RRP12: variants seen among roughly 807,000 people sequenced by gnomAD.
RRP12 encodes the protein RRP12-like protein.
A neutral mutation model predicts 157.3 loss-of-function variants in RRP12; 78 were observed. The observed-to-expected ratio is 0.50, with a 90% CI of 0.41 to 0.60. The LOEUF (loss-of-function observed/expected upper bound fraction) is 0.60, where lower values mean the gene tolerates loss of function less well. RRP12 is among the 20% of genes least tolerant of loss of function. The probability of loss-of-function intolerance (pLI) is 0.00; values close to 1 mark genes in which losing one functional copy is unlikely to be tolerated. For synonymous variants in RRP12, 726 were observed against 670.9 expected (o/e 1.08, Z -1.27); for missense variants, 1,521 against 1,679.9 (o/e 0.91, Z 1.65).
chr10:97,393,833 CAT>C, intron 3 of RRP12, 73 bp from the exon 4 acceptor site: 1 of 1,249,886 alleles, frequency 8.0e-7, no homozygotes, highest in Non-Finnish European at 1.2e-6. Flanking sequence ...AGTGGGGGAA[CAT>C]GTGCCCAGCA....
chr10:97,377,583 G>A (rs144238059), intron 15 of RRP12, among the ~76,000 whole-genome samples: 2,379 of 151,506 alleles, frequency 0.016, 32 homozygotes, highest in Non-Finnish European at 0.025. Flanking sequence ...AGTGGCTCAC[G>A]CCTGTAATCC....
rs1845142558 is a variant in RRP12, at chr10:97,401,299, A to G, written c.-68T>C. The G allele has an allele frequency of 4.4e-6, 7 of 1,595,924 alleles. No individual in the cohort carries two copies. The Admixed American group carries it at 1.2e-4, about 27-fold the overall frequency. On this transcript the variant is annotated 5_prime_UTR_variant, in exon 1 of 34. Coordinates refer to ENST00000370992, the MANE Select transcript of RRP12 (RefSeq NM_015179.4). ...TCCAGGGACGTAGAAACACGCTCAG[A>G]ACCCACGTGGATACCCTGTAGCCTT...
chr10:97,388,467 G>T lies in RRP12; in HGVS notation c.889+22C>A, dbSNP rs762606224. The T allele has an allele frequency of 2.2e-5, 35 of 1,613,500 alleles. No homozygotes were observed. The South Asian group carries it at 2.4e-4, about 11-fold the overall frequency. Reference sequence around the variant, plus strand: ...GCCAGCCACTGCCTCCCATCCACCTGCCCTCCATTTGGGTTCCCCACCTCC... The same window carrying T: ...GCCAGCCACTGCCTCCCATCCACCTTCCCTCCATTTGGGTTCCCCACCTCC... On this transcript the variant is annotated intron_variant, in intron 7 of 33. Transcript: ENST00000370992.
chr10:97,366,832 GC>G lies in RRP12; in HGVS notation c.3124del (p.Ala1042ProfsTer7). 1 of 1,614,134 alleles carries G rather than the reference GC, an allele frequency of 6.2e-7. No individual in the cohort carries two copies. On this transcript the variant is annotated frameshift_variant, in exon 27 of 34. Coordinates refer to ENST00000370992, the MANE Select transcript of RRP12 (RefSeq NM_015179.4). LOFTEE classifies it high-confidence loss of function. The part of the protein sequence containing the change: ...LVNIRKAEAR[A>X]KRHRALSQAA... ...CTGGCTCAGGGCTCGGTGCCTCTTGGCCCGGGCCTCAGCTTTCCGGATGTTG... is the reference window on the plus strand; with the variant it reads ...CTGGCTCAGGGCTCGGTGCCTCTTGGCCGGGCCTCAGCTTTCCGGATGTTG...
chr10:97,390,319 C>T (rs541064213), intron 6 of RRP12, 104 bp downstream of exon 6: 1 of 854,740 alleles, frequency 1.2e-6, no homozygotes, highest in Non-Finnish European at 2.0e-6. Flanking sequence ...AGCCAGTACT[C>T]AGGGCAAGCT....
rs201279839 is a variant in RRP12, at chr10:97,367,088, G to A, written c.3000C>T (p.Phe1000=). The A allele has an allele frequency of 1.2e-6, 2 of 1,614,208 alleles. No individual in the cohort carries two copies. The highest frequency in any genetic ancestry group is 4.5e-5 in the East Asian group (2 of 44,888). ...TGAACAGGTTCCGAAGCTTCATGCG[G>A]AAGTGCCGCCGCATGTCATCTGAAA... is the stretch of plus-strand genomic sequence containing the variant. The part of the protein sequence containing the change: ...GKLSDDMRRH[F]RMKLRNLFTK... The change falls in exon 26 of 34, where the codon TTC becomes TTT. Residue 1000 remains phenylalanine (F), a synonymous_variant. Transcript: ENST00000370992.
rs1408640588 is a variant in RRP12, at chr10:97,370,196, G to A, written c.2768C>T (p.Ala923Val). ...AAACTCGAAAAGGAGGTGGGTCAGG[G>A]CCAGGATGCTGCAGCTGACCATGGT... The part of the protein sequence containing the change: ...AVTMVSCSIL[A>V]LTHLLFEFKG... The change falls in exon 24 of 34, where the codon GCC (alanine) becomes GTC (valine). Residue 923 changes from alanine to valine, a missense_variant. Transcript: ENST00000370992. 1 of 1,605,952 alleles carries A rather than the reference G, an allele frequency of 6.2e-7. No individual in the cohort carries two copies.
Position 97,401,311 on chromosome 10 carries a change from T to C in RRP12, c.-80A>G. On this transcript the variant is annotated 5_prime_UTR_variant, in exon 1 of 34. Coordinates refer to ENST00000370992, the MANE Select transcript of RRP12 (RefSeq NM_015179.4). ...GAAACACGCTCAGAACCCACGTGGA[T>C]ACCCTGTAGCCTTCACTTCCTCTTC... 4.5e-6 allele frequency: 7 copies of C among 1,544,000 alleles called. No homozygotes were observed. Among genetic ancestry groups the C allele is most frequent in the Admixed American group, 3.4e-5 (2 of 58,400 alleles).
chr10:97,394,258 G>A (rs1844892806), intron 3 of RRP12, among the ~76,000 whole-genome samples: 1 of 152,108 alleles, frequency 6.6e-6, no homozygotes. Flanking sequence ...CAGGAGAATG[G>A]CGTGAACCCA....
At chr10:97,368,878 A>G (rs1388045766) in intron 25 of RRP12, among the ~76,000 whole-genome samples, 8 of 152,362 alleles carry the variant, frequency 5.3e-5, no homozygotes, top group African/African-American at 1.7e-4. Flanking sequence ...TGGGAAACTG[A>G]GGCAGTAGGT....
rs201098805 is a variant in RRP12, at chr10:97,390,705, T to C, written c.636+34A>G. 6 of 1,504,906 alleles carry C rather than the reference T, an allele frequency of 4.0e-6. No individual in the cohort carries two copies. In the East Asian group the frequency reaches 9.0e-5, roughly 23 times the overall value. The allele number at this position is 1,504,906 out of a possible 1,614,324, so 93.2% of individuals were successfully genotyped here. A position where few individuals can be genotyped will look rare whatever the true frequency, so the allele number is the denominator to read the frequency against. ...CACCAAATCAGACAGGCTCTGGGAGTCGCCAGATGAGAAACTAAACCCCAG... is the reference window on the plus strand; with the variant it reads ...CACCAAATCAGACAGGCTCTGGGAGCCGCCAGATGAGAAACTAAACCCCAG... On this transcript the variant is annotated intron_variant, in intron 5 of 33. Transcript: ENST00000370992.
intron 6 of RRP12, 50 bp from the exon 7 acceptor site, chr10:97,388,674 C>T: frequency 6.3e-7 from 1 of 1,596,206 alleles, no homozygotes; most frequent in Non-Finnish European, 8.6e-7. Flanking sequence ...GTTCCACCAG[C>T]ATCTTGGGTG....
chr10:97,383,722 C>T (rs1157813408), intron 10 of RRP12, among the ~76,000 whole-genome samples: 2 of 152,198 alleles, frequency 1.3e-5, no homozygotes, highest in African/African-American at 2.4e-5. Context: ...CACGGGACTA[C>T]GGAACCTGGA....
rs140078350 is a variant in RRP12, at chr10:97,373,651, G to A, written c.1950C>T (p.Ala650=). 107 of 1,613,850 alleles carry A rather than the reference G, an allele frequency of 6.6e-5. No homozygotes were observed. In the African/African-American group the frequency reaches 9.5e-4, roughly 14 times the overall value. ...FKGLARTLGM[A]ISERPDLRVT... The stretch of plus-strand genomic sequence containing the variant: ...CCCTCAGGTCTGGACGCTCGCTGAT[G>A]GCCATGCCCAGCGTCCGTGCCAGCC... Residue 650 remains alanine (A), a synonymous_variant, in exon 17 of 34, where the codon GCC becomes GCT. Coordinates refer to ENST00000370992, the MANE Select transcript of RRP12 (RefSeq NM_015179.4).
At chr10:97,399,222 G>A (rs1845068398) in intron 2 of RRP12, among the ~76,000 whole-genome samples, 2 of 152,148 alleles carry the variant, frequency 1.3e-5, no homozygotes, top group South Asian at 2.1e-4. Context: ...GCAGTGAGCC[G>A]AGATCGTGCC....
Position 97,393,754 on chromosome 10 carries a change from T to C in RRP12, c.460A>G (p.Thr154Ala). 1 of 1,613,840 alleles carries C rather than the reference T, an allele frequency of 6.2e-7. No homozygotes were observed. Among genetic ancestry groups the C allele is most frequent in the Admixed American group, 1.7e-5 (1 of 59,994 alleles). The change falls in exon 4 of 34, where the codon ACA becomes GCA. Residue 154 changes from threonine to alanine, a missense_variant. Transcript: ENST00000370992. ...TCCGGGGACTCCACTGCTTCCATTG[T>C]TGTCATCTGAGGGCCAGATTGAGGG... ...ETEYFAALMT[T>A]MEAVESPESL... is the part of the protein sequence containing the mutation.
At position 97,366,619 on chromosome 10, in the gene RRP12, A is replaced by G. The variant is rs1337813660; in HGVS notation, c.3218T>C (p.Ile1073Thr). The part of the protein sequence containing the change: ...EEPAQGKGDS[I>T]EEILADSEDE... ...CTCTGAGTCAGCTAAAATCTCCTCA[A>G]TGCTAAGGACAAAAAGCCCCCAGTC... The change falls in exon 28 of 34, where the codon ATT becomes ACT. Residue 1073 changes from isoleucine to threonine, a missense_variant and splice_region_variant. Ile to Thr is a moderately conservative substitution (Grantham distance 89). Transcript: ENST00000370992. 6.2e-7 allele frequency: 1 copy of G among 1,611,146 alleles called. No homozygotes were observed. Among genetic ancestry groups the G allele is most frequent in the Non-Finnish European group, 8.5e-7 (1 of 1,178,336 alleles).
Position 97,390,462 on chromosome 10 carries a change from G to A in RRP12, c.714C>T (p.Tyr238=), listed in dbSNP as rs1235175824. The A allele has an allele frequency of 1.9e-6, 3 of 1,614,128 alleles. No homozygotes were observed. The highest frequency in any genetic ancestry group is 4.5e-5 in the East Asian group (2 of 44,888). The part of the protein sequence containing the change: ...AWGYPVTLQV[Y]HGLLSFTVHP... Reference sequence around the variant, plus strand: ...GCACCGTGAAGCTCAGCAGCCCATGGTACACCTGAAGGGTCACGGGGTAGC... The same window carrying A: ...GCACCGTGAAGCTCAGCAGCCCATGATACACCTGAAGGGTCACGGGGTAGC... Residue 238 remains tyrosine (Y), a synonymous_variant, in exon 6 of 34, where the codon TAC becomes TAT. Transcript: ENST00000370992.
intron 24 of RRP12, 92 bp downstream of exon 24, chr10:97,370,074 CT>C: frequency 1.5e-5 from 13 of 883,082 alleles, no homozygotes; most frequent in South Asian, 4.9e-5. Flanking sequence ...CTCCAGGCAC[CT>C]TTTCCCAGTT....
Sources: gnomAD v4.1 joint callset for allele counts (sites outside exome capture counted in the v4.1 genomes callset) on GRCh38, gnomAD v4.1.1 for gene constraint, MANE v1.5 for transcripts, NCBI Gene and HGNC (gene_info 2026-07-23, HGNC 2026-07-21) for gene names.